Variants in ASTN2 observed in about 807,000 individuals in gnomAD.
ASTN2 encodes astrotactin 2.
In ASTN2, 54 loss-of-function variants were observed where a neutral mutation model predicts 139.8. The observed-to-expected ratio is 0.39, with a 90% confidence interval of 0.31 to 0.48. The LOEUF is 0.48. Among genes scored for constraint, ASTN2 ranks in the 20% least tolerant of loss-of-function variants. ASTN2 has a pLI of 0.95. For missense variants in ASTN2, 1,565 were observed against 1,725.1 expected, an observed-to-expected ratio of 0.91 and a Z score of 1.64; for synonymous variants, 756 against 719.5, an observed-to-expected ratio of 1.05 and a Z score of -0.81.
At chr9:117,290,148 C>T (rs1211889515) in intron 2 of ASTN2, among the ~76,000 whole-genome samples, 1 of 152,152 alleles carries the variant, frequency 6.6e-6, no homozygotes. Flanking sequence ...CCCTCTGGGC[C>T]ATAGCCTCCT....
At chr9:117,174,808 T>C (rs1235798988) in intron 3 of ASTN2, among the ~76,000 whole-genome samples, 1 of 152,110 alleles carries the variant, frequency 6.6e-6, no homozygotes, top group Non-Finnish European at 1.5e-5. Context: ...AAAAGTTTAC[T>C]AACATTTACT....
At chr9:117,143,861 A>G (rs1830131154) in intron 3 of ASTN2, among the ~76,000 whole-genome samples, 1 of 152,114 alleles carries the variant, frequency 6.6e-6, no homozygotes, top group Non-Finnish European at 1.5e-5. Context: ...GCCAAAGTTC[A>G]ATCAGATCAG....
chr9:116,473,419 G>C (rs1018164029), intron 20 of ASTN2, among the ~76,000 whole-genome samples: 9 of 152,138 alleles, frequency 5.9e-5, no homozygotes, highest in African/African-American at 2.2e-4. Context: ...TAAAAAGAGA[G>C]GGAGGAAAGG....
chr9:117,404,786 C>T (rs1830933771), intron 1 of ASTN2, among the ~76,000 whole-genome samples: 1 of 151,960 alleles, frequency 6.6e-6, no homozygotes, highest in African/African-American at 2.4e-5. Flanking sequence ...CACTGATCCC[C>T]TAGTAAACAC....
chr9:116,685,074 A>C (rs1401288618), intron 16 of ASTN2, among the ~76,000 whole-genome samples: 3 of 152,190 alleles, frequency 2.0e-5, no homozygotes, highest in Non-Finnish European at 4.4e-5. Flanking sequence ...TTTAGGAGTC[A>C]TGCAGCTGGA....
At chr9:117,287,998 T>C (rs1834492259) in intron 2 of ASTN2, among the ~76,000 whole-genome samples, 1 of 152,174 alleles carries the variant, frequency 6.6e-6, no homozygotes, top group Non-Finnish European at 1.5e-5. Context: ...GTGCCTAACG[T>C]AAAATTACCA....
intron 1 of ASTN2, among the ~76,000 whole-genome samples, chr9:117,342,948 TG>T (rs1372139789): frequency 6.6e-6 from 1 of 152,102 alleles, no homozygotes; most frequent in African/African-American, 2.4e-5. Context: ...AGAAGTCCCA[TG>T]GGAATTTCAG....
At chr9:117,156,511 C>T (rs191044438) in intron 3 of ASTN2, among the ~76,000 whole-genome samples, 1 of 152,090 alleles carries the variant, frequency 6.6e-6, no homozygotes, top group African/African-American at 2.4e-5. Flanking sequence ...CAGCCCTCTC[C>T]CCAAGCTGTG....
At chr9:116,943,329 C>T (rs966668269) in intron 10 of ASTN2, among the ~76,000 whole-genome samples, 3 of 152,168 alleles carry the variant, frequency 2.0e-5, no homozygotes, top group Admixed American at 2.0e-4. Flanking sequence ...TAAAGAGACA[C>T]AGATACTCAT....
rs566613489 is a variant in ASTN2, at chr9:116,547,366, C to T, written c.3356-59866G>A. On this transcript the variant is annotated intron_variant, in intron 19 of 22. Transcript: ENST00000313400. ...AATTTACAGAGGAGGAAACTGAGGT[C>T]CAGAGAGATCAATTAAACTGTCTAA... 6 of 152,336 alleles carry T rather than the reference C, an allele frequency of 3.9e-5. No homozygotes were observed. The East Asian group carries it at 1.2e-3, about 29-fold the overall frequency. 9.4% of individuals were successfully genotyped at this position (152,336 alleles called of 1,614,324 possible). A position where few individuals can be genotyped will look rare whatever the true frequency, so the allele number is the denominator to read the frequency against.
chr9:116,767,944 T>A (rs10117613), intron 13 of ASTN2, among the ~76,000 whole-genome samples: 9,988 of 152,228 alleles, frequency 0.066, 573 homozygotes, highest in African/African-American at 0.15. Context: ...TATTCATAGA[T>A]CTAGTTATCT....
intron 1 of ASTN2, 55 bp from the exon 2 acceptor site, chr9:117,291,568 C>T (rs947434974): frequency 4.6e-6 from 7 of 1,505,616 alleles, no homozygotes; most frequent in Non-Finnish European, 6.2e-6. Context: ...CTTGGTGCTC[C>T]AGGGAGGAAA....
At chr9:116,499,001 A>G (rs1849765651) in intron 19 of ASTN2, among the ~76,000 whole-genome samples, 1 of 152,180 alleles carries the variant, frequency 6.6e-6, no homozygotes, top group African/African-American at 2.4e-5. Flanking sequence ...CTAGTTCTCT[A>G]AAGAGCTGGC....
intron 13 of ASTN2, among the ~76,000 whole-genome samples, chr9:116,747,829 C>A (rs1170743428): frequency 6.6e-6 from 1 of 152,126 alleles, no homozygotes; most frequent in African/African-American, 2.4e-5. Flanking sequence ...ACCAGTGGCA[C>A]CAAACTCACT....
intron 4 of ASTN2, among the ~76,000 whole-genome samples, chr9:117,124,294 C>G (rs1003935030): frequency 6.6e-6 from 1 of 152,120 alleles, no homozygotes; most frequent in African/African-American, 2.4e-5. Context: ...GGGACGATTT[C>G]TACATACCCA....
chr9:116,753,797 T>C (rs937190969), intron 13 of ASTN2, among the ~76,000 whole-genome samples: 3 of 147,982 alleles, frequency 2.0e-5, no homozygotes, highest in Non-Finnish European at 4.4e-5. Flanking sequence ...ACCTTTTTTT[T>C]TTATTATTAT....
chr9:116,567,087 C>G (rs41367150), intron 19 of ASTN2, among the ~76,000 whole-genome samples: 6,503 of 152,282 alleles, frequency 0.043, 496 homozygotes, highest in African/African-American at 0.15. Context: ...GACTTGTGAA[C>G]AATTGATAAG....
chr9:116,873,328 A>T (rs1833212961), intron 10 of ASTN2, among the ~76,000 whole-genome samples: 1 of 152,234 alleles, frequency 6.6e-6, no homozygotes, highest in South Asian at 2.1e-4. Flanking sequence ...GGATAGGGTG[A>T]GGTGGCACAA....
chr9:116,803,523 T>TATATATATATA (rs71379231), intron 13 of ASTN2, among the ~76,000 whole-genome samples: 9 of 5,424 alleles, frequency 1.7e-3, no homozygotes, highest in Middle Eastern at 0.5. Context: ...TATATATATA[T>TATATATATATA]TTTTTTTTTT....
Sources: gnomAD v4.1 joint callset for allele counts (sites outside exome capture counted in the v4.1 genomes callset) on GRCh38, gnomAD v4.1.1 for gene constraint, MANE v1.5 for transcripts, NCBI Gene and HGNC (gene_info 2026-07-23, HGNC 2026-07-21) for gene names.